NUF2: variants seen among roughly 807,000 people sequenced by gnomAD.
NUF2 encodes kinetochore protein Nuf2.
In NUF2, 34 loss-of-function variants were observed where a neutral mutation model predicts 61.8. The ratio of observed to expected loss-of-function variants is 0.55; its 90% CI spans 0.42 to 0.73. The LOEUF (loss-of-function observed/expected upper bound fraction) is 0.73. NUF2 is among the 30% of genes least tolerant of loss of function. NUF2 has a pLI of 0.00. For missense variants in NUF2, 445 were observed against 539.1 expected, an observed-to-expected ratio of 0.83 and a Z score of 1.73; for synonymous variants, 172 against 181.6, an observed-to-expected ratio of 0.95 and a Z score of 0.42.
intron 5 of NUF2, among the ~76,000 whole-genome samples, chr1:163,333,324 A>G (rs1228867640): frequency 6.6e-6 from 1 of 152,106 alleles, no homozygotes; most frequent in Non-Finnish European, 1.5e-5. Context: ...TCTTGTAGAC[A>G]GCATATGGTT....
intron 7 of NUF2, among the ~76,000 whole-genome samples, chr1:163,338,477 TA>T (rs1371871862): frequency 6.6e-6 from 1 of 152,202 alleles, no homozygotes; most frequent in African/African-American, 2.4e-5. Context: ...AGTTTTCATT[TA>T]TTTGTTTTGT....
chr1:163,331,923 G>C (rs568233317), intron 5 of NUF2, among the ~76,000 whole-genome samples: 9 of 151,230 alleles, frequency 6.0e-5, no homozygotes, highest in Non-Finnish European at 1.2e-4. Context: ...CAAAGAACTA[G>C]CTTTTGACTT....
At chr1:163,345,188 A>C (rs1651082213) in intron 10 of NUF2, among the ~76,000 whole-genome samples, 1 of 152,146 alleles carries the variant, frequency 6.6e-6, no homozygotes, top group South Asian at 2.1e-4. Flanking sequence ...TAGGCTAGTG[A>C]GGACAAGGGA....
intron 4 of NUF2, 153 bp downstream of exon 4, chr1:163,328,457 G>T: frequency 1.9e-6 from 1 of 530,278 alleles, no homozygotes; most frequent in East Asian, 3.1e-5. Context: ...CAAAATTGTA[G>T]ACTGTCATCA....
At position 163,325,708 on chromosome 1, in the gene NUF2, C is replaced by T. The variant is rs181090368; in HGVS notation, c.-20-324C>T. On this transcript the variant is annotated intron_variant, in intron 1 of 13. Coordinates refer to ENST00000271452, the MANE Select transcript of NUF2 (RefSeq NM_145697.3). ...TATTAGGATTGGTCTTGTTAAGCTC[C>T]GTGGCCCTCAAATGTAAAAGAGAAG... 6.6e-5 allele frequency among the ~76,000 whole-genome samples: 10 copies of T among 152,158 alleles called. No individual in the cohort carries two copies. In the East Asian group the frequency reaches 9.7e-4, roughly 15 times the overall value.
rs1252663340 is a variant in NUF2 at position 163,347,764 on chromosome 1, G to A, written c.950G>A (p.Ser317Asn). The A allele has an allele frequency of 6.5e-7, 1 of 1,542,144 alleles. No homozygotes were observed. Among genetic ancestry groups the A allele is most frequent in the East Asian group, 2.4e-5 (1 of 42,238 alleles). ...REKLASILKE[S>N]LNLEDQIESD... The stretch of plus-strand genomic sequence containing the variant: ...TTAAATACTTCTTATAAAATACAGA[G>A]CCTGAACTTGGAGGACCAAATTGAG... Residue 317 changes from serine (S) to asparagine (N), a missense_variant and splice_region_variant, in exon 12 of 14, where the codon AGC (serine) becomes AAC (asparagine). Ser to Asn is a conservative substitution (Grantham distance 46). Transcript: ENST00000271452.
At chr1:163,326,449 TTTA>T (rs1303046851) in intron 2 of NUF2, among the ~76,000 whole-genome samples, 6 of 151,812 alleles carry the variant, frequency 4.0e-5, no homozygotes, top group Admixed American at 1.3e-4. Flanking sequence ...TATTAAATTT[TTTA>T]TTATTATTAT....
rs777797338 is a variant in NUF2 at position 163,336,792 on chromosome 1, T to C, written c.379T>C (p.Phe127Leu). The change falls in exon 6 of 14, where the codon TTT (phenylalanine) becomes CTT (leucine). Residue 127 changes from phenylalanine to leucine, a missense_variant. By Grantham distance (22) the Phe-to-Leu change is conservative (BLOSUM62 0). Coordinates refer to ENST00000271452, the MANE Select transcript of NUF2 (RefSeq NM_145697.3). Reference protein sequence around the residue: ...TSRFLSGIINFIHFREACRET... With the variant: ...TSRFLSGIINLIHFREACRET... ...TCGGTTTTTAAGTGGCATTATCAAC[T>C]TTATTCACTTCAGAGAAGCATGCCG... is the stretch of plus-strand genomic sequence containing the variant. The C allele has an allele frequency of 1.9e-6, 3 of 1,612,926 alleles. No individual in the cohort carries two copies. The African/African-American group carries it at 4.0e-5, about 22-fold the overall frequency.
At chr1:163,345,005 G>A (rs944885138) in intron 10 of NUF2, among the ~76,000 whole-genome samples, 1 of 152,026 alleles carries the variant, frequency 6.6e-6, no homozygotes, top group Non-Finnish European at 1.5e-5. Context: ...TATAATCTTG[G>A]ACTGAGATAG....
chr1:163,331,071 A>G (rs528451762), intron 5 of NUF2, among the ~76,000 whole-genome samples: 3 of 143,820 alleles, frequency 2.1e-5, no homozygotes, highest in Non-Finnish European at 4.5e-5. Context: ...GACTTTTAGT[A>G]TAATGTCGAA....
chr1:163,349,032 A>G lies in NUF2; in HGVS notation c.1212A>G (p.Gly404=), dbSNP rs1486733552. 19 of 1,612,342 alleles carry G rather than the reference A, an allele frequency of 1.2e-5. No individual in the cohort carries two copies. Among genetic ancestry groups the G allele is most frequent in the African/African-American group, 2.7e-5 (2 of 74,994 alleles). ...INQEIQKIKL[G]IQQLKDAAER... ...AAGAAATCCAAAAAATTAAACTTGG[A>G]ATTCAACAACTAAAAGATGCTGCTG... Residue 404 remains glycine (G), a synonymous_variant, in exon 13 of 14, where the codon GGA becomes GGG. Transcript: ENST00000271452.
chr1:163,333,498 C>A (rs1650663830), intron 5 of NUF2, among the ~76,000 whole-genome samples: 1 of 151,660 alleles, frequency 6.6e-6, no homozygotes, highest in Non-Finnish European at 1.5e-5. Context: ...CCATTTCCTG[C>A]CTTATTTTGG....
rs575474801 is a variant in NUF2 at position 163,353,372 on chromosome 1, G to A, written c.1261-1963G>A. ...GAAAAGTGAGATAGTTATCTAGACT[G>A]ACACTGTCCAACAGAACTTTCTGCT... On this transcript the variant is annotated intron_variant, in intron 13 of 13. Coordinates refer to ENST00000271452, the MANE Select transcript of NUF2 (RefSeq NM_145697.3). 2.0e-5 allele frequency among the ~76,000 whole-genome samples: 3 copies of A among 152,268 alleles called. No individual in the cohort carries two copies. In the South Asian group the frequency reaches 6.2e-4, roughly 32 times the overall value.
intron 8 of NUF2, among the ~76,000 whole-genome samples, chr1:163,339,902 T>C (rs116481542): frequency 0.034 from 5,142 of 152,168 alleles, 170 homozygotes; most frequent in African/African-American, 0.086. Flanking sequence ...TCCTTTCATA[T>C]CCTTGTGCAG....
intron 9 of NUF2, among the ~76,000 whole-genome samples, chr1:163,341,776 C>T (rs1334389646): frequency 2.0e-5 from 3 of 151,980 alleles, no homozygotes; most frequent in Non-Finnish European, 4.4e-5. Flanking sequence ...TACAGGCATC[C>T]ACCACCACTC....
chr1:163,332,813 T>G (rs973142736), intron 5 of NUF2, among the ~76,000 whole-genome samples: 1 of 152,170 alleles, frequency 6.6e-6, no homozygotes, highest in African/African-American at 2.4e-5. Context: ...GATCTTCAAT[T>G]ATACTTATAA....
intron 7 of NUF2, 144 bp downstream of exon 7, chr1:163,338,237 T>TAAAA: frequency 9.4e-5 from 35 of 371,324 alleles, no homozygotes; most frequent in South Asian, 2.1e-4. Flanking sequence ...TGCCTTTTCT[T>TAAAA]AAAAAAAAAA....
At chr1:163,330,778 A>G (rs1028572034) in intron 5 of NUF2, among the ~76,000 whole-genome samples, 1 of 152,112 alleles carries the variant, frequency 6.6e-6, no homozygotes, top group Non-Finnish European at 1.5e-5. Context: ...CAGACCTTGT[A>G]TAATAAATTT....
chr1:163,343,186 G>T (rs12145840), intron 9 of NUF2, among the ~76,000 whole-genome samples: 63,274 of 152,080 alleles, frequency 0.42, 13,553 homozygotes, highest in South Asian at 0.59. Flanking sequence ...CAGTGCTATA[G>T]CTTTGTTTGG....
Sources: gnomAD v4.1 joint callset for allele counts (sites outside exome capture counted in the v4.1 genomes callset) on GRCh38, gnomAD v4.1.1 for gene constraint, MANE v1.5 for transcripts, NCBI Gene and HGNC (gene_info 2026-07-23, HGNC 2026-07-21) for gene names.